CNTN4: variants seen among roughly 807,000 people sequenced by gnomAD.
The protein encoded by CNTN4 is contactin-4.
In CNTN4, 77 loss-of-function variants were observed where a neutral mutation model predicts 122.5. That is an observed-to-expected ratio of 0.63 (90% CI 0.52 to 0.76). The LOEUF (loss-of-function observed/expected upper bound fraction) is 0.76, where lower values mean the gene tolerates loss of function less well. Among genes scored for constraint, CNTN4 ranks in the 30% least tolerant of loss-of-function variants. The pLI is 0.00. For missense variants in CNTN4, 1,256 were observed against 1,259.1 expected, an observed-to-expected ratio of 1.00 and a Z score of 0.04; for synonymous variants, 512 against 447.0, an observed-to-expected ratio of 1.15 and a Z score of -1.83.
chr3:2,930,351 G>A (rs911953920), intron 13 of CNTN4, among the ~76,000 whole-genome samples: 4 of 152,016 alleles, frequency 2.6e-5, no homozygotes, highest in African/African-American at 9.7e-5. Flanking sequence ...GTTTGGATTA[G>A]TAAGGCAAGC....
intron 3 of CNTN4, among the ~76,000 whole-genome samples, chr3:2,448,893 A>T (rs1404990607): frequency 6.6e-6 from 1 of 152,180 alleles, no homozygotes; most frequent in Non-Finnish European, 1.5e-5. Context: ...CCATATCAAT[A>T]TGAGGTACTA....
chr3:2,432,784 G>A (rs2048124100), intron 3 of CNTN4, among the ~76,000 whole-genome samples: 1 of 149,314 alleles, frequency 6.7e-6, no homozygotes, highest in South Asian at 2.1e-4. Flanking sequence ...AGTGAACGTG[G>A]TAGTGCAGAT....
chr3:2,886,540 C>G (rs2093981586), intron 9 of CNTN4, among the ~76,000 whole-genome samples: 1 of 123,410 alleles, frequency 8.1e-6, no homozygotes, highest in Non-Finnish European at 1.6e-5. Context: ...GAGACAAAGT[C>G]TCGCTCTGTC....
intron 2 of CNTN4, among the ~76,000 whole-genome samples, chr3:2,120,797 G>A (rs560377800): frequency 2.4e-5 from 2 of 82,360 alleles, no homozygotes; most frequent in East Asian, 5.1e-4. Context: ...TCTTAAAACT[G>A]AGTGAAATAC....
chr3:2,111,215 A>G (rs1462874349), intron 2 of CNTN4, among the ~76,000 whole-genome samples: 2 of 152,200 alleles, frequency 1.3e-5, no homozygotes, highest in Non-Finnish European at 2.9e-5. Flanking sequence ...TTATATACGC[A>G]CTGTGAGTTC....
chr3:2,778,845 CA>C (rs1235130070), intron 6 of CNTN4, among the ~76,000 whole-genome samples: 1 of 152,164 alleles, frequency 6.6e-6, no homozygotes, highest in Non-Finnish European at 1.5e-5. Flanking sequence ...ATGATAATAT[CA>C]AAAGCAAATT....
At chr3:2,883,386 C>A in intron 9 of CNTN4, 139 bp downstream of exon 9, 1 of 691,154 alleles carries the variant, frequency 1.4e-6, no homozygotes, top group Non-Finnish European at 2.6e-6. Context: ...TCTGTGTATG[C>A]ATCTTGGATT....
intron 4 of CNTN4, among the ~76,000 whole-genome samples, chr3:2,628,334 C>T (rs1179733354): frequency 6.6e-6 from 1 of 152,162 alleles, no homozygotes; most frequent in Non-Finnish European, 1.5e-5. Context: ...GCAGCAGGGG[C>T]AGGAGGCCGT....
intron 16 of CNTN4, among the ~76,000 whole-genome samples, chr3:3,031,765 A>T (rs976681165): frequency 1.3e-5 from 2 of 152,216 alleles, no homozygotes; most frequent in African/African-American, 2.4e-5. Flanking sequence ...GCATTAAAAT[A>T]GAGGCCAATC....
intron 6 of CNTN4, among the ~76,000 whole-genome samples, chr3:2,809,769 T>C (rs6800754): frequency 0.057 from 8,665 of 152,258 alleles, 831 homozygotes; most frequent in African/African-American, 0.2. Context: ...TCACTAATTG[T>C]AGTAACCTCA....
At chr3:2,492,341 C>A (rs573673266) in intron 3 of CNTN4, among the ~76,000 whole-genome samples, 26 of 152,190 alleles carry the variant, frequency 1.7e-4, no homozygotes, top group South Asian at 4.1e-4. Context: ...GATAGTGGGT[C>A]AGATTTTTGG....
At chr3:2,594,253 G>T (rs752867525) in intron 4 of CNTN4, among the ~76,000 whole-genome samples, 1 of 152,036 alleles carries the variant, frequency 6.6e-6, no homozygotes, top group East Asian at 1.9e-4. Flanking sequence ...AATTTGAAAT[G>T]TTACTGATTA....
At chr3:2,726,295 A>G (rs1195599160) in intron 4 of CNTN4, among the ~76,000 whole-genome samples, 2 of 152,216 alleles carry the variant, frequency 1.3e-5, no homozygotes, top group Non-Finnish European at 2.9e-5. Context: ...AACCAATTTA[A>G]CCAAGAAAAT....
intron 7 of CNTN4, among the ~76,000 whole-genome samples, chr3:2,821,459 C>G (rs1328862685): frequency 6.6e-6 from 1 of 152,168 alleles, no homozygotes; most frequent in Non-Finnish European, 1.5e-5. Context: ...TTGTTTTTGT[C>G]CATTTCAATT....
rs200543747 is a variant in CNTN4 at position 2,648,953 on chromosome 3, G to A, written c.55+77395G>A. The stretch of plus-strand genomic sequence containing the variant: ...TGGCAAAGTTTGAGTAGTCTGGATA[G>A]AAGATCACACCAGCCGCAACATTCA... On this transcript the variant is annotated intron_variant, in intron 4 of 24. Coordinates refer to ENST00000418658, the MANE Select transcript of CNTN4 (RefSeq NM_175607.3). Among the ~76,000 whole-genome samples, 22 of 152,306 alleles carry A rather than the reference G, an allele frequency of 1.4e-4. No homozygotes were observed. In the East Asian group the frequency reaches 4.2e-3, roughly 29 times the overall value.
intron 4 of CNTN4, among the ~76,000 whole-genome samples, chr3:2,689,056 C>A (rs189178101): frequency 6.6e-6 from 1 of 152,288 alleles, no homozygotes; most frequent in African/African-American, 2.4e-5. Context: ...CGAAAGGTTG[C>A]AGACATAAGA....
chr3:2,358,721 T>C (rs933912858), intron 3 of CNTN4, among the ~76,000 whole-genome samples: 3 of 152,202 alleles, frequency 2.0e-5, no homozygotes, highest in Non-Finnish European at 4.4e-5. Context: ...TTTTTCATCA[T>C]GCAGCTAAAA....
chr3:2,242,357 G>A (rs1348782478), intron 2 of CNTN4, among the ~76,000 whole-genome samples: 1 of 152,184 alleles, frequency 6.6e-6, no homozygotes, highest in African/African-American at 2.4e-5. Context: ...TGAGGCTGAG[G>A]CTATATATGT....
At chr3:2,663,914 G>A (rs1252368540) in intron 4 of CNTN4, among the ~76,000 whole-genome samples, 1 of 152,074 alleles carries the variant, frequency 6.6e-6, no homozygotes, top group African/African-American at 2.4e-5. Flanking sequence ...CATATTGTCT[G>A]ATTCTATTTG....
Sources: allele counts gnomAD v4.1 joint callset (sites outside exome capture counted in the v4.1 genomes callset), GRCh38; gene constraint gnomAD v4.1.1; transcripts MANE v1.5; gene names NCBI Gene and HGNC (gene_info 2026-07-23, HGNC 2026-07-21).